Variants in TBL1XR1 observed in about 807,000 individuals in gnomAD.
TBL1XR1 encodes the protein F-box-like/WD repeat-containing protein TBL1XR1.
In TBL1XR1, 5 loss-of-function variants were observed where a neutral mutation model predicts 66.9. The ratio of observed to expected loss-of-function variants is 0.07; its 90% CI spans 0.04 to 0.16. The LOEUF (loss-of-function observed/expected upper bound fraction) is 0.16, where lower values mean the gene tolerates loss of function less well. Ranked by LOEUF, TBL1XR1 falls within the 10% of genes least tolerant of loss-of-function variation. TBL1XR1 has a pLI of 1.00. For missense variants in TBL1XR1, 238 were observed against 623.2 expected, an observed-to-expected ratio of 0.38 and a Z score of 6.58; for synonymous variants, 210 against 206.0, an observed-to-expected ratio of 1.02 and a Z score of -0.17.
Position 177,023,408 on chromosome 3 carries a change from G to GC in TBL1XR1, c.*2089dup, listed in dbSNP as rs1712646723. 6.6e-6 allele frequency: 1 copy of GC among 152,402 alleles called. No individual in the cohort carries two copies. Among genetic ancestry groups the GC allele is most frequent in the Non-Finnish European group, 1.5e-5 (1 of 67,956 alleles). 9.4% of individuals were successfully genotyped at this position (152,402 alleles called of 1,614,324 possible). A position where few individuals can be genotyped will look rare whatever the true frequency, so the allele number is the denominator to read the frequency against. ...CAGCAATAAAAGCAGGAATTCAAGT[G>GC]CCAGATACTCAGCATATTAGGTTTC... is the stretch of plus-strand genomic sequence containing the variant. On this transcript the variant is annotated 3_prime_UTR_variant, in exon 16 of 16. Transcript: ENST00000457928.
At chr3:177,153,285 A>T (rs1202986962) in intron 1 of TBL1XR1, among the ~76,000 whole-genome samples, 1 of 152,206 alleles carries the variant, frequency 6.6e-6, no homozygotes, top group Admixed American at 6.5e-5. Context: ...ACCTGACTAG[A>T]AGAAGTGTTA....
chr3:177,162,532 G>A (rs996157403), intron 1 of TBL1XR1, among the ~76,000 whole-genome samples: 8 of 152,170 alleles, frequency 5.3e-5, no homozygotes, highest in African/African-American at 1.9e-4. Context: ...AAACAAAATG[G>A]GGCCTGAGGA....
chr3:177,175,345 ATAT>A (rs1274119907), intron 1 of TBL1XR1, among the ~76,000 whole-genome samples: 5 of 152,230 alleles, frequency 3.3e-5, no homozygotes, highest in Non-Finnish European at 7.3e-5. Context: ...GTGTTTGGTG[ATAT>A]TATTTTAATT....
At chr3:177,149,861 T>G (rs1424484976) in intron 1 of TBL1XR1, among the ~76,000 whole-genome samples, 1 of 152,218 alleles carries the variant, frequency 6.6e-6, no homozygotes, top group Non-Finnish European at 1.5e-5. Context: ...AGTACATGCC[T>G]AAAATATTTA....
At chr3:177,176,890 G>A (rs1734223056) in intron 1 of TBL1XR1, among the ~76,000 whole-genome samples, 1 of 152,138 alleles carries the variant, frequency 6.6e-6, no homozygotes, top group South Asian at 2.1e-4. Context: ...TGAGGTGGGA[G>A]GATTCCTTGA....
At chr3:177,068,522 AC>A (rs1423875460) in intron 2 of TBL1XR1, among the ~76,000 whole-genome samples, 1 of 152,198 alleles carries the variant, frequency 6.6e-6, no homozygotes. Context: ...AAAACACAGG[AC>A]TAGTGAGGCA....
At chr3:177,154,401 C>CT (rs34024632) in intron 1 of TBL1XR1, among the ~76,000 whole-genome samples, 3,738 of 149,142 alleles carry the variant, frequency 0.025, 148 homozygotes, top group African/African-American at 0.085. Flanking sequence ...AATTGACAAA[C>CT]TTTTTTTTTT....
chr3:177,107,025 T>C (rs1724972870), intron 1 of TBL1XR1, among the ~76,000 whole-genome samples: 1 of 152,188 alleles, frequency 6.6e-6, no homozygotes, highest in South Asian at 2.1e-4. Context: ...GAACACCTTC[T>C]AAATGAAGCA....
At chr3:177,196,591 G>A (rs1356954362) in intron 1 of TBL1XR1, 1 of 150,102 alleles carries the variant, frequency 6.7e-6, no homozygotes, top group African/African-American at 2.4e-5. Context: ...CGCCCGGGGA[G>A]GGGAGATTTC....
chr3:177,137,281 CA>C (rs1450114944), intron 1 of TBL1XR1, among the ~76,000 whole-genome samples: 1 of 152,150 alleles, frequency 6.6e-6, no homozygotes, highest in Non-Finnish European at 1.5e-5. Flanking sequence ...TGCTTGAGCC[CA>C]GGAATTCGAG....
At chr3:177,167,323 AG>A (rs914861986) in intron 1 of TBL1XR1, among the ~76,000 whole-genome samples, 5 of 152,330 alleles carry the variant, frequency 3.3e-5, no homozygotes, top group Admixed American at 2.6e-4. Flanking sequence ...GAAGGTTGCC[AG>A]GAAGTGGGGG....
chr3:177,126,171 A>C (rs1227932537), intron 1 of TBL1XR1: 1 of 152,206 alleles, frequency 6.6e-6, no homozygotes, highest in Non-Finnish European at 1.5e-5. Flanking sequence ...TGGCTCTGTC[A>C]AAATAAGACC....
At chr3:177,060,188 G>A (rs1718334350) in intron 3 of TBL1XR1, among the ~76,000 whole-genome samples, 1 of 151,992 alleles carries the variant, frequency 6.6e-6, no homozygotes, top group Non-Finnish European at 1.5e-5. Context: ...CCCCTAATAA[G>A]CTCCTTTTCA....
intron 1 of TBL1XR1, among the ~76,000 whole-genome samples, chr3:177,117,465 G>A (rs753097318): frequency 3.3e-5 from 5 of 152,142 alleles, no homozygotes; most frequent in Non-Finnish European, 5.9e-5. Context: ...TATCTGCACA[G>A]TCTAAAATTT....
intron 1 of TBL1XR1, among the ~76,000 whole-genome samples, chr3:177,124,234 G>C (rs1322335746): frequency 6.6e-6 from 1 of 152,040 alleles, no homozygotes; most frequent in Non-Finnish European, 1.5e-5. Context: ...CTTGACAGAA[G>C]TCTGGGGAAG....
At chr3:177,194,125 TTTC>T (rs1296662922) in intron 1 of TBL1XR1, 1 of 152,204 alleles carries the variant, frequency 6.6e-6, no homozygotes, top group East Asian at 1.9e-4. Flanking sequence ...CTCAGAGTCT[TTTC>T]TTTTTAACTT....
intron 10 of TBL1XR1, 31 bp from the exon 11 acceptor site, chr3:177,038,465 TATTCCACATGTACTAAA>T (rs763192764): frequency 1.2e-5 from 17 of 1,477,782 alleles, no homozygotes; most frequent in Admixed American, 2.5e-5. Flanking sequence ...GATTTGCTTT[TATTCCACATGTACTAAA>T]ATCCAAGAGT....
chr3:177,160,346 C>T (rs899215224), intron 1 of TBL1XR1, among the ~76,000 whole-genome samples: 25 of 151,820 alleles, frequency 1.6e-4, no homozygotes, highest in Admixed American at 4.6e-4. Context: ...TGGTGACAGG[C>T]GCCTGTAGTC....
chr3:177,070,155 TATG>T (rs1719776922), intron 2 of TBL1XR1, among the ~76,000 whole-genome samples: 1 of 129,524 alleles, frequency 7.7e-6, no homozygotes, highest in South Asian at 2.2e-4. Flanking sequence ...GCATCCATTA[TATG>T]ATGAGTCACT....
Sources: gnomAD v4.1 joint callset for allele counts (sites outside exome capture counted in the v4.1 genomes callset) on GRCh38, gnomAD v4.1.1 for gene constraint, MANE v1.5 for transcripts, NCBI Gene and HGNC (gene_info 2026-07-23, HGNC 2026-07-21) for gene names.